PTPRN2: variants seen among roughly 807,000 people sequenced by gnomAD.
PTPRN2 encodes the protein protein tyrosine phosphatase receptor type N2, also known as receptor-type tyrosine-protein phosphatase N2.
A neutral mutation model predicts 118.8 loss-of-function variants in PTPRN2; 74 were observed. The observed-to-expected ratio is 0.62, with a 90% CI of 0.52 to 0.76. The LOEUF (loss-of-function observed/expected upper bound fraction) is 0.76, where lower values mean the gene tolerates loss of function less well. Among genes scored for constraint, PTPRN2 ranks in the 30% least tolerant of loss-of-function variants. The pLI, the probability that PTPRN2 is intolerant of heterozygous loss-of-function variation, is 0.00. For synonymous variants in PTPRN2, 641 were observed against 608.0 expected, an observed-to-expected ratio of 1.05 and a Z score of -0.80; for missense variants, 1,481 against 1,394.4, an observed-to-expected ratio of 1.06 and a Z score of -0.99.
At chr7:158,527,341 C>A (rs112182380) in intron 1 of PTPRN2, among the ~76,000 whole-genome samples, 250 of 152,336 alleles carry the variant, frequency 1.6e-3, no homozygotes, top group African/African-American at 5.9e-3. Context: ...TCCCTGGCCA[C>A]AGCTCCCTGA....
intron 11 of PTPRN2, among the ~76,000 whole-genome samples, chr7:158,072,112 ATGG>A (rs1486574955): frequency 3.4e-4 from 43 of 126,974 alleles, no homozygotes; most frequent in Non-Finnish European, 6.9e-4. Context: ...GGAGGTGCTC[ATGG>A]TGGTGGAGGT....
chr7:158,387,506 C>T (rs930188219), intron 2 of PTPRN2, among the ~76,000 whole-genome samples: 5 of 152,408 alleles, frequency 3.3e-5, no homozygotes, highest in Admixed American at 6.5e-5. Flanking sequence ...GATCGGGTTA[C>T]GATGTTGGAA....
At chr7:158,297,468 C>T (rs1800583263) in intron 3 of PTPRN2, among the ~76,000 whole-genome samples, 1 of 152,160 alleles carries the variant, frequency 6.6e-6, no homozygotes, top group African/African-American at 2.4e-5. Context: ...CAGCCCATGA[C>T]CTGGTGAGCT....
In PTPRN2 at chr7:158,046,472, A is replaced by C. The variant is rs571733618; in HGVS notation, c.1723+34826T>G. Among the ~76,000 whole-genome samples, 3 of 149,074 alleles carry C rather than the reference A, an allele frequency of 2.0e-5. No homozygotes were observed. The East Asian group carries it at 5.9e-4, about 29-fold the overall frequency. On this transcript the variant is annotated intron_variant, in intron 11 of 22. Transcript: ENST00000389418. ...TGCGATCCTGGCATCCTGACACTGC[A>C]ATCCTGGCATCCTGACACTGTCTTG...
At chr7:157,757,069 T>C (rs1801825659) in intron 12 of PTPRN2, among the ~76,000 whole-genome samples, 1 of 152,164 alleles carries the variant, frequency 6.6e-6, no homozygotes. Context: ...GTGGATGGAC[T>C]ATGGTATGCT....
At chr7:158,369,098 C>T (rs1157416817) in intron 2 of PTPRN2, among the ~76,000 whole-genome samples, 2 of 152,052 alleles carry the variant, frequency 1.3e-5, no homozygotes, top group African/African-American at 4.8e-5. Flanking sequence ...CCTAGCCTCC[C>T]AGCCTACATC....
At position 157,546,267 on chromosome 7, in the gene PTPRN2, C is replaced by CTATT. The variant is rs759033298; in HGVS notation, c.2976+2675_2976+2678dup. ...GGGGTGTGTATGTGTTATCATCTTG[C>CTATT]TATTTATTTATTTATTTATATTTAA... On this transcript the variant is annotated intron_variant, in intron 22 of 22. Coordinates refer to ENST00000389418, the MANE Select transcript of PTPRN2 (RefSeq NM_002847.5). Among the ~76,000 whole-genome samples the CTATT allele has an allele frequency of 2.3e-4, 35 of 152,206 alleles. 1 individual carries two copies. Among genetic ancestry groups the CTATT allele is most frequent in the South Asian group, 8.3e-4 (4 of 4,812 alleles).
At chr7:158,342,671 T>G (rs1807130014) in intron 2 of PTPRN2, among the ~76,000 whole-genome samples, 1 of 152,162 alleles carries the variant, frequency 6.6e-6, no homozygotes, top group South Asian at 2.1e-4. Context: ...TAACCCTTAG[T>G]GGCATAAACT....
chr7:157,946,823 G>T (rs749145695), intron 11 of PTPRN2, among the ~76,000 whole-genome samples: 5 of 152,238 alleles, frequency 3.3e-5, no homozygotes, highest in Admixed American at 2.0e-4. Flanking sequence ...TGAGAAGGGC[G>T]GAAGCCATGA....
At chr7:157,825,633 C>T (rs533316559) in intron 12 of PTPRN2, among the ~76,000 whole-genome samples, 1 of 152,322 alleles carries the variant, frequency 6.6e-6, no homozygotes, top group African/African-American at 2.4e-5. Context: ...CGAGTGAGCT[C>T]TGCTGCCTGG....
intron 3 of PTPRN2, among the ~76,000 whole-genome samples, chr7:158,236,380 G>A (rs1026130005): frequency 1.3e-5 from 2 of 152,046 alleles, no homozygotes; most frequent in African/African-American, 4.8e-5. Context: ...CTTCACGCAG[G>A]CCACCCCTCT....
intron 2 of PTPRN2, among the ~76,000 whole-genome samples, chr7:158,375,076 C>T (rs1024884484): frequency 2.2e-4 from 34 of 152,186 alleles, no homozygotes; most frequent in Non-Finnish European, 3.5e-4. Context: ...CAGCAGCAGA[C>T]GTATTTCATG....
intron 3 of PTPRN2, among the ~76,000 whole-genome samples, chr7:158,296,269 C>G (rs778210155): frequency 6.6e-6 from 1 of 152,166 alleles, no homozygotes; most frequent in Non-Finnish European, 1.5e-5. Flanking sequence ...GAGGAGCACA[C>G]CGGCAGAAGA....
rs141141287 is a variant in PTPRN2, at chr7:158,509,831, C to T, written c.113-20046G>A. ...GACTTGCAGTGCTCTGTTCCATGGC[C>T]GAGAGGGCTGTAAGTGATTTGGTGC... On this transcript the variant is annotated intron_variant, in intron 1 of 22. Coordinates refer to ENST00000389418, the MANE Select transcript of PTPRN2 (RefSeq NM_002847.5). This position sits in a 1 kb window ranked among gnomAD's most constrained non-coding sequence, Gnocchi z 4.4. Among the ~76,000 whole-genome samples the T allele has an allele frequency of 2.4e-3, 370 of 152,288 alleles. 1 individual carries two copies. Among genetic ancestry groups the T allele is most frequent in the African/African-American group, 8.6e-3 (356 of 41,546 alleles).
intron 8 of PTPRN2, among the ~76,000 whole-genome samples, chr7:158,135,516 G>T (rs1818732932): frequency 1.3e-5 from 2 of 152,110 alleles, no homozygotes; most frequent in African/African-American, 2.4e-5. Flanking sequence ...AAACAGAATT[G>T]CTTGAAAATA....
chr7:158,245,158 C>A (rs570393685), intron 3 of PTPRN2, among the ~76,000 whole-genome samples: 1 of 150,864 alleles, frequency 6.6e-6, no homozygotes, highest in Non-Finnish European at 1.5e-5. Flanking sequence ...GAATCCGTGG[C>A]CATGCCGGAA....
At chr7:157,776,917 C>T (rs886931394) in intron 12 of PTPRN2, among the ~76,000 whole-genome samples, 4 of 31,328 alleles carry the variant, frequency 1.3e-4, no homozygotes, top group East Asian at 1.9e-3. Flanking sequence ...CCCTCCTCCT[C>T]GCTCTTCTCC....
chr7:158,146,372 G>T (rs1031144896), intron 6 of PTPRN2, among the ~76,000 whole-genome samples: 1 of 152,104 alleles, frequency 6.6e-6, no homozygotes. Context: ...CCCATTGATT[G>T]CACCAACCTG....
At chr7:157,751,144 A>G (rs1165537715) in intron 12 of PTPRN2, among the ~76,000 whole-genome samples, 1 of 152,180 alleles carries the variant, frequency 6.6e-6, no homozygotes, top group Non-Finnish European at 1.5e-5. Flanking sequence ...GGGGACCTGC[A>G]GCCGCAGGAC....
Sources: allele counts gnomAD v4.1 joint callset (sites outside exome capture counted in the v4.1 genomes callset), GRCh38; gene constraint gnomAD v4.1.1; non-coding constraint Gnocchi (gnomAD v3.1); transcripts MANE v1.5; gene names NCBI Gene and HGNC (gene_info 2026-07-23, HGNC 2026-07-21).